OTUD7B: variants seen among roughly 807,000 people sequenced by gnomAD.
OTUD7B encodes the protein OTU deubiquitinase 7B.
OTUD7B carries 34 observed loss-of-function variants against 82.2 expected under a neutral mutation model. The ratio of observed to expected loss-of-function variants is 0.41; its 90% CI spans 0.31 to 0.55. The LOEUF is 0.55. Among genes scored for constraint, OTUD7B ranks in the 20% least tolerant of loss-of-function variants. The pLI, the probability that OTUD7B is intolerant of heterozygous loss-of-function variation, is 0.20. For missense variants in OTUD7B, 944 were observed against 1,062.1 expected, an observed-to-expected ratio of 0.89 and a Z score of 1.55; for synonymous variants, 398 against 402.7, an observed-to-expected ratio of 0.99 and a Z score of 0.14.
At position 149,947,342 on chromosome 1, in the gene OTUD7B, A is replaced by C. The variant is rs1553772391; in HGVS notation, c.1239-7T>G. 3.2e-6 allele frequency: 5 copies of C among 1,547,634 alleles called. No homozygotes were observed. In the South Asian group the frequency reaches 5.6e-5, roughly 17 times the overall value. On this transcript the variant is annotated splice_region_variant and splice_polypyrimidine_tract_variant and intron_variant, in intron 10 of 11. Coordinates refer to ENST00000581312, the MANE Select transcript of OTUD7B (RefSeq NM_020205.4). Reference sequence around the variant, plus strand: ...CTCTAGGGACAGAATTACACTATGAAAAAGAGAAAAAACAAATTACTGTCA... The same window carrying C: ...CTCTAGGGACAGAATTACACTATGACAAAGAGAAAAAACAAATTACTGTCA...
At chr1:150,049,633 C>T in the OTUD7B span, among the ~76,000 whole-genome samples, 113,351 of 132,230 alleles carry the variant, frequency 0.86, 49,086 homozygotes, top group East Asian at 1. Context: ...CTCTCTCTTT[C>T]TTTTTTTTTT....
chr1:149,974,732 T>C (rs1650187544), intron 2 of OTUD7B, among the ~76,000 whole-genome samples: 1 of 151,934 alleles, frequency 6.6e-6, no homozygotes, highest in Non-Finnish European at 1.5e-5. Context: ...GTATTTTTAG[T>C]AGAAACGGGG....
At chr1:150,031,913 A>C in the OTUD7B span, among the ~76,000 whole-genome samples, 1 of 152,238 alleles carries the variant, frequency 6.6e-6, no homozygotes, top group Non-Finnish European at 1.5e-5. Flanking sequence ...CCAGATAGAT[A>C]AGACAGACCA....
intron 1 of OTUD7B, among the ~76,000 whole-genome samples, chr1:149,985,366 G>A (rs587746596): frequency 6.0e-4 from 91 of 152,018 alleles, no homozygotes; most frequent in African/African-American, 1.6e-3. Context: ...AGGATCATGC[G>A]ACTGCACTCC....
the OTUD7B span, among the ~76,000 whole-genome samples, chr1:150,018,126 C>A: frequency 6.6e-6 from 1 of 152,148 alleles, no homozygotes; most frequent in Non-Finnish European, 1.5e-5. Context: ...ACGTAGGTAA[C>A]CTTCCTAGTT....
intron 7 of OTUD7B, among the ~76,000 whole-genome samples, chr1:149,958,832 C>T (rs587748561): frequency 6.6e-6 from 1 of 152,052 alleles, no homozygotes; most frequent in Admixed American, 6.5e-5. Context: ...GCAGCCTCGA[C>T]CTCCCCAGCT....
Position 149,940,171 on chromosome 1 carries a change from A to G in OTUD7B, c.*3686T>C, listed in dbSNP as rs2092751809. The G allele has an allele frequency of 6.6e-6, 1 of 151,974 alleles. No homozygotes were observed. Among genetic ancestry groups the G allele is most frequent in the African/African-American group, 2.4e-5 (1 of 41,368 alleles). The allele number at this position is 151,974 out of a possible 1,614,324, so 9.4% of individuals were successfully genotyped here. A position where few individuals can be genotyped will look rare whatever the true frequency, so the allele number is the denominator to read the frequency against. ...TATCACCCCGCAGATATACAACACG[A>G]AGTCACTGCTAATTCTTGTTTGTCT... is the stretch of plus-strand genomic sequence containing the variant. On this transcript the variant is annotated 3_prime_UTR_variant, in exon 12 of 12. Transcript: ENST00000581312.
rs962434163 is a variant in OTUD7B, at chr1:149,942,430, A to G, written c.*1427T>C. ...TGTTCAGACTTGTGCTTTGTGCAAA[A>G]TGCGAAGGAGCTCCCCCTACTGTGT... On this transcript the variant is annotated 3_prime_UTR_variant, in exon 12 of 12. Transcript: ENST00000581312. 10 of 152,600 alleles carry G rather than the reference A, an allele frequency of 6.6e-5. No individual in the cohort carries two copies. Among genetic ancestry groups the G allele is most frequent in the African/African-American group, 2.4e-4 (10 of 41,434 alleles). 9.5% of individuals were successfully genotyped at this position (152,600 alleles called of 1,614,324 possible).
the OTUD7B span, among the ~76,000 whole-genome samples, chr1:150,040,749 G>GTTT: frequency 7.8e-6 from 1 of 128,692 alleles, no homozygotes. Context: ...TCACTCTGTT[G>GTTT]CCCAGGCTGG....
chr1:150,028,408 A>AT, the OTUD7B span, among the ~76,000 whole-genome samples: 3 of 151,978 alleles, frequency 2.0e-5, no homozygotes, highest in Non-Finnish European at 4.4e-5. Flanking sequence ...TTTTTTTTCC[A>AT]TTTTTTTTAA....
chr1:150,039,615 A>G, the OTUD7B span, among the ~76,000 whole-genome samples: 1 of 152,030 alleles, frequency 6.6e-6, no homozygotes, highest in Non-Finnish European at 1.5e-5. Flanking sequence ...TGACCTCGTG[A>G]TCGCCTGCCT....
intron 1 of OTUD7B, among the ~76,000 whole-genome samples, chr1:149,999,494 G>A (rs587770079): frequency 6.6e-6 from 1 of 152,278 alleles, no homozygotes; most frequent in East Asian, 1.9e-4. Flanking sequence ...ACTTAGCCAG[G>A]TGAGCTACCA....
At chr1:150,035,957 G>GT in the OTUD7B span, among the ~76,000 whole-genome samples, 66,442 of 133,924 alleles carry the variant, frequency 0.5, 19,192 homozygotes, top group Middle Eastern at 0.67. Flanking sequence ...CATTGTAACT[G>GT]TTTTTTTTTT....
the OTUD7B span, among the ~76,000 whole-genome samples, chr1:150,031,869 A>T: frequency 0.087 from 13,300 of 152,274 alleles, 885 homozygotes; most frequent in South Asian, 0.24. Flanking sequence ...GTCTATGTTA[A>T]GTATTTGCTA....
At chr1:149,991,778 A>C (rs1217463219) in intron 1 of OTUD7B, among the ~76,000 whole-genome samples, 2 of 152,150 alleles carry the variant, frequency 1.3e-5, no homozygotes, top group Non-Finnish European at 2.9e-5. Flanking sequence ...TCAATTTTCC[A>C]TGGGATCTAC....
chr1:149,944,286 C>G lies in OTUD7B; in HGVS notation c.2103G>C (p.Pro701=), dbSNP rs56929499. The G allele has an allele frequency of 3.7e-6, 6 of 1,610,040 alleles. No homozygotes were observed. In the East Asian group the frequency reaches 1.3e-4, roughly 36 times the overall value. Residue 701 remains proline, a synonymous_variant, in exon 12 of 12, where the codon CCG becomes CCC. Coordinates refer to ENST00000581312, the MANE Select transcript of OTUD7B (RefSeq NM_020205.4). The part of the protein sequence containing the change: ...GYPGDFTIPR[P]SGGGVHCQEP... ...CCTGGCAGTGGACTCCGCCCCCAGA[C>G]GGCCGAGGGATAGTAAAGTCCCCAG...
the OTUD7B span, among the ~76,000 whole-genome samples, chr1:150,042,491 C>T: frequency 2.0e-5 from 3 of 151,716 alleles, no homozygotes; most frequent in South Asian, 6.2e-4. Flanking sequence ...TTCTTTTTAC[C>T]TTACAAGCAG....
chr1:149,971,013 T>C, intron 3 of OTUD7B, 50 bp downstream of exon 3: 2 of 1,412,346 alleles, frequency 1.4e-6, no homozygotes, highest in Non-Finnish European at 1.9e-6. Context: ...CATTTAACAA[T>C]CCCCTCCCTT....
chr1:149,996,486 C>T (rs2101914810), intron 1 of OTUD7B, among the ~76,000 whole-genome samples: 1 of 152,282 alleles, frequency 6.6e-6, no homozygotes, highest in East Asian at 1.9e-4. Flanking sequence ...TGCAGACATT[C>T]CTTTTGGAAT....
Sources: allele counts gnomAD v4.1 joint callset (sites outside exome capture counted in the v4.1 genomes callset), GRCh38; gene constraint gnomAD v4.1.1; transcripts MANE v1.5; gene names NCBI Gene and HGNC (gene_info 2026-07-23, HGNC 2026-07-21).